ARSG: variants seen among roughly 807,000 people sequenced by gnomAD.
ARSG encodes ASG.
ARSG carries 37 observed loss-of-function variants against 50.5 expected under a neutral mutation model. That is an observed-to-expected ratio of 0.73 (90% CI 0.56 to 0.96). ARSG has a LOEUF of 0.96. ARSG is among the 50% of genes least tolerant of loss of function. The pLI, the probability that ARSG is intolerant of heterozygous loss-of-function variation, is 0.00. For missense variants in ARSG, 629 were observed against 675.3 expected, an observed-to-expected ratio of 0.93 and a Z score of 0.76; for synonymous variants, 225 against 254.6, an observed-to-expected ratio of 0.88 and a Z score of 1.11.
intron 2 of ARSG, among the ~76,000 whole-genome samples, chr17:68,312,411 G>A (rs781786265): frequency 5.3e-5 from 8 of 152,034 alleles, no homozygotes; most frequent in Non-Finnish European, 1.0e-4. Context: ...CAAAGGGCGT[G>A]GGTTGCCAAA....
At chr17:68,371,677 A>G (rs530214533) in intron 8 of ARSG, among the ~76,000 whole-genome samples, 8 of 152,352 alleles carry the variant, frequency 5.3e-5, no homozygotes, top group Non-Finnish European at 1.0e-4. Flanking sequence ...CACATGCTCA[A>G]TGACATACGA....
chr17:68,434,533 TG>T, the ARSG span: 1 of 1,613,072 alleles, frequency 6.2e-7, no homozygotes, highest in Non-Finnish European at 8.5e-7. Flanking sequence ...GACTTTAAAA[TG>T]GGTTTGACAT....
At chr17:68,435,899 G>A in the ARSG span, among the ~76,000 whole-genome samples, 1 of 152,198 alleles carries the variant, frequency 6.6e-6, no homozygotes, top group African/African-American at 2.4e-5. Context: ...TGGCTTCAAG[G>A]GCCACTCCAT....
At chr17:68,334,727 C>T (rs1410114397) in intron 2 of ARSG, among the ~76,000 whole-genome samples, 1 of 152,072 alleles carries the variant, frequency 6.6e-6, no homozygotes, top group Non-Finnish European at 1.5e-5. Flanking sequence ...GCTGGAGTCA[C>T]CGGCCAGAGG....
Position 68,378,441 on chromosome 17 carries a change from T to C in ARSG, c.983-6623T>C, listed in dbSNP as rs2080262646. ...GCTGATGGGATGAGGCAGCGTCTCCTGGAGTCATCTTTTCACCCCGTGCGT... is the reference window on the plus strand; with the variant it reads ...GCTGATGGGATGAGGCAGCGTCTCCCGGAGTCATCTTTTCACCCCGTGCGT... On this transcript the variant is annotated intron_variant, in intron 8 of 11. Coordinates refer to ENST00000621439, the MANE Select transcript of ARSG (RefSeq NM_001267727.2). The surrounding 1 kb of genome is among the most constrained non-coding windows in gnomAD (Gnocchi z 4.4). Among the ~76,000 whole-genome samples, 1 of 152,206 alleles carries C rather than the reference T, an allele frequency of 6.6e-6. No homozygotes were observed. Among genetic ancestry groups the C allele is most frequent in the Admixed American group, 6.5e-5 (1 of 15,278 alleles).
chr17:68,261,991 A>G (rs555018414), intron 1 of ARSG, among the ~76,000 whole-genome samples: 1 of 151,876 alleles, frequency 6.6e-6, no homozygotes, highest in African/African-American at 2.4e-5. Context: ...ATCTCTACTA[A>G]AAATACAAAA....
intron 6 of ARSG, among the ~76,000 whole-genome samples, chr17:68,361,170 A>T (rs2079267377): frequency 6.6e-6 from 1 of 152,112 alleles, no homozygotes; most frequent in Non-Finnish European, 1.5e-5. Context: ...GGTGTCATGT[A>T]CTACACATTG....
chr17:68,436,623 A>T, the ARSG span: 1 of 685,380 alleles, frequency 1.5e-6, no homozygotes, highest in Admixed American at 2.9e-5. Context: ...CTTTCCGCTG[A>T]TGATTCTTCT....
intron 1 of ARSG, among the ~76,000 whole-genome samples, chr17:68,266,449 T>TACAA (rs2075166398): frequency 1.1e-5 from 1 of 93,288 alleles, no homozygotes; most frequent in African/African-American, 4.4e-5. Flanking sequence ...TTTTTTTGTA[T>TACAA]AAAAAGTATA....
chr17:68,332,102 A>G (rs143877669), intron 2 of ARSG, among the ~76,000 whole-genome samples: 15 of 152,366 alleles, frequency 9.8e-5, no homozygotes, highest in African/African-American at 3.6e-4. Context: ...TGGGAGCACT[A>G]CGGGCGACCG....
At chr17:68,273,682 C>A (rs1246905081) in intron 1 of ARSG, among the ~76,000 whole-genome samples, 1 of 152,054 alleles carries the variant, frequency 6.6e-6, no homozygotes, top group African/African-American at 2.4e-5. Flanking sequence ...GCAAATACAG[C>A]AAAAGAGAAA....
intron 6 of ARSG, among the ~76,000 whole-genome samples, chr17:68,358,849 G>A (rs2079153613): frequency 6.6e-6 from 1 of 151,700 alleles, no homozygotes; most frequent in African/African-American, 2.4e-5. Context: ...CCTGACACAT[G>A]GAGAGCCTGT....
At position 68,274,009 on chromosome 17, in the gene ARSG, C is replaced by T. The variant is rs782673365; in HGVS notation, c.-552+14583C>T. ...CCACCATCCCGGTGCTGACAAGTAG[C>T]CCCCCCAACATCACTACCAGACGGT... On this transcript the variant is annotated intron_variant, in intron 1 of 11. Coordinates refer to the ARSG transcript ENST00000448504. 6 of 1,613,808 alleles carry T rather than the reference C, an allele frequency of 3.7e-6. No homozygotes were observed. In the South Asian group the frequency reaches 4.4e-5, roughly 12 times the overall value.
intron 8 of ARSG, 45 bp from the exon 9 acceptor site, chr17:68,385,019 G>A (rs374401035): frequency 9.2e-6 from 14 of 1,520,696 alleles, no homozygotes; most frequent in African/African-American, 6.8e-5. Context: ...AAGAAGTCTC[G>A]AGTTATCACC....
downstream of ARSG, chr17:68,421,435 A>G (rs1175228568): frequency 9.9e-6 from 3 of 302,954 alleles, no homozygotes; most frequent in African/African-American, 2.1e-5. Flanking sequence ...AGATGTTCCT[A>G]TAAGTACATT....
intron 1 of ARSG, among the ~76,000 whole-genome samples, chr17:68,296,479 TA>T (rs1372105684): frequency 2.6e-5 from 4 of 152,168 alleles, no homozygotes; most frequent in Non-Finnish European, 5.9e-5. Context: ...TCCAGATGGC[TA>T]GGGGACGATG....
intron 4 of ARSG, among the ~76,000 whole-genome samples, 157 bp downstream of exon 4, chr17:68,347,329 G>C (rs537110076): frequency 2.8e-4 from 43 of 152,102 alleles, no homozygotes; most frequent in Non-Finnish European, 4.7e-4. Context: ...GGGTGCCAGG[G>C]CTCTCCGGGA....
At chr17:68,276,369 A>G (rs1322079738) in intron 1 of ARSG, among the ~76,000 whole-genome samples, 2 of 152,244 alleles carry the variant, frequency 1.3e-5, no homozygotes, top group Non-Finnish European at 2.9e-5. Context: ...AATTTCAGCA[A>G]TAACTTCAGA....
In ARSG at chr17:68,343,649, G is replaced by A; in HGVS notation, c.264G>A (p.Arg88=). 6.2e-7 allele frequency: 1 copy of A among 1,613,852 alleles called. No homozygotes were observed. The highest frequency in any genetic ancestry group is 8.5e-7 in the Non-Finnish European group (1 of 1,179,848). ...HAAASTCSPS[R]ASLLTGRLGL... is the part of the protein sequence containing the mutation. The stretch of plus-strand genomic sequence containing the variant: ...CTGCCTCCACCTGCTCACCCTCCCG[G>A]GCTTCCTTGCTCACCGGCCGGCTTG... The change falls in exon 3 of 12, where the codon CGG becomes CGA. Residue 88 remains arginine, a synonymous_variant. Coordinates refer to ENST00000621439, the MANE Select transcript of ARSG (RefSeq NM_001267727.2).
Sources: gnomAD v4.1 joint callset for allele counts (sites outside exome capture counted in the v4.1 genomes callset) on GRCh38, gnomAD v4.1.1 for gene constraint, Gnocchi (gnomAD v3.1) non-coding constraint, MANE v1.5 for transcripts, NCBI Gene and HGNC (gene_info 2026-07-23, HGNC 2026-07-21) for gene names.